The following TLK2 variants were observed in gnomAD, a reference collection of about 807,000 sequenced individuals.
The protein encoded by TLK2 is tousled like kinase 2.
TLK2 carries 6 observed loss-of-function variants against 117.3 expected under a neutral mutation model. The observed-to-expected ratio is 0.05, with a 90% CI of 0.03 to 0.10. The LOEUF is 0.10. Ranked by LOEUF, TLK2 falls within the 10% of genes least tolerant of loss-of-function variation. TLK2 has a pLI of 1.00. For synonymous variants in TLK2, 257 were observed against 316.7 expected, an observed-to-expected ratio of 0.81 and a Z score of 2.00; for missense variants, 299 against 901.2, an observed-to-expected ratio of 0.33 and a Z score of 8.56.
Position 62,536,312 on chromosome 17 carries a change from C to T in TLK2, c.506C>T (p.Ala169Val). 2 of 1,612,640 alleles carry T rather than the reference C, an allele frequency of 1.2e-6. No individual in the cohort carries two copies. Among genetic ancestry groups the T allele is most frequent in the Non-Finnish European group, 1.7e-6 (2 of 1,179,252 alleles). ...LDTEQLAQRGAGLCFTFVSAQ... is the reference protein window; with the variant it reads ...LDTEQLAQRGVGLCFTFVSAQ... Reference sequence around the variant, plus strand: ...ACAGAGCAGCTGGCGCAAAGGGGAGCTGGCCTCTGCTTCACTTTTGTTTCA... The same window carrying T: ...ACAGAGCAGCTGGCGCAAAGGGGAGTTGGCCTCTGCTTCACTTTTGTTTCA... Residue 169 changes from alanine (A) to valine (V), a missense_variant, in exon 7 of 22, where the codon GCT becomes GTT. Physicochemically the swap from Ala to Val is moderately conservative, Grantham distance 64. Transcript: ENST00000346027.
chr17:62,489,220 A>G (rs2072836027), intron 2 of TLK2, among the ~76,000 whole-genome samples: 1 of 135,480 alleles, frequency 7.4e-6, no homozygotes, highest in Non-Finnish European at 1.6e-5. Context: ...TTTTTTTTTG[A>G]GACATGGTCT....
At chr17:62,544,376 T>C (rs1405598230) in intron 7 of TLK2, among the ~76,000 whole-genome samples, 5 of 152,140 alleles carry the variant, frequency 3.3e-5, no homozygotes, top group Non-Finnish European at 4.4e-5. Flanking sequence ...GGAAAGAGAA[T>C]GAGAGAGTGA....
chr17:62,475,982 T>C (rs1377408150), upstream of TLK2, among the ~76,000 whole-genome samples: 1 of 150,442 alleles, frequency 6.6e-6, no homozygotes, highest in Non-Finnish European at 1.5e-5. Flanking sequence ...TTTTATTTTA[T>C]TATCATTATT....
At chr17:62,559,880 C>G in intron 9 of TLK2, 136 bp from the exon 10 acceptor site, 2 of 519,230 alleles carry the variant, frequency 3.9e-6, no homozygotes, top group Non-Finnish European at 3.5e-6. Context: ...GACATAGTTA[C>G]TTCTTACCTG....
intron 2 of TLK2, among the ~76,000 whole-genome samples, chr17:62,498,543 C>G (rs940478966): frequency 1.3e-5 from 2 of 151,968 alleles, no homozygotes; most frequent in African/African-American, 4.8e-5. Context: ...GTGTGCGCCA[C>G]CACACCCAGC....
intron 9 of TLK2, among the ~76,000 whole-genome samples, chr17:62,555,180 C>T (rs1422929409): frequency 6.6e-6 from 1 of 152,078 alleles, no homozygotes; most frequent in Non-Finnish European, 1.5e-5. Context: ...CTGAAACCTC[C>T]AGGGCTACTG....
intron 19 of TLK2, among the ~76,000 whole-genome samples, chr17:62,602,971 T>TA (rs1440286407): frequency 2.6e-5 from 4 of 151,952 alleles, no homozygotes; most frequent in African/African-American, 7.2e-5. Context: ...TGGCCCCCAG[T>TA]TTTTTTTAGT....
chr17:62,584,437 T>C (rs1298520786), intron 15 of TLK2, among the ~76,000 whole-genome samples: 2 of 152,134 alleles, frequency 1.3e-5, no homozygotes, highest in Non-Finnish European at 2.9e-5. Flanking sequence ...TTAAAAATTA[T>C]TTGAAATGGT....
chr17:62,608,267 G>A, intron 21 of TLK2, 119 bp downstream of exon 21: 1 of 750,708 alleles, frequency 1.3e-6, no homozygotes, highest in Non-Finnish European at 2.2e-6. Context: ...AAAAATATTA[G>A]GATAGGCATG....
chr17:62,481,638 G>A (rs944057181), intron 2 of TLK2, among the ~76,000 whole-genome samples: 1 of 152,124 alleles, frequency 6.6e-6, no homozygotes, highest in Non-Finnish European at 1.5e-5. Context: ...ACTCTTTACT[G>A]GTTGCACCCC....
Position 62,615,383 on chromosome 17 carries a change from T to C in TLK2, c.*2818T>C, listed in dbSNP as rs1287031213. On this transcript the variant is annotated 3_prime_UTR_variant, in exon 22 of 22. Transcript: ENST00000346027. The stretch of plus-strand genomic sequence containing the variant: ...TGATTTACTTTACACAATGACAGTA[T>C]GTATTAATTTGTAATTAAACCCATC... The C allele has an allele frequency of 6.6e-6, 1 of 152,230 alleles. No homozygotes were observed. The highest frequency in any genetic ancestry group is 2.4e-5 in the African/African-American group (1 of 41,454). 9.4% of individuals were successfully genotyped at this position (152,230 alleles called of 1,614,324 possible). A position where few individuals can be genotyped will look rare whatever the true frequency, so the allele number is the denominator to read the frequency against.
intron 11 of TLK2, among the ~76,000 whole-genome samples, chr17:62,569,499 G>T (rs1434272884): frequency 7.2e-6 from 1 of 138,074 alleles, no homozygotes; most frequent in Non-Finnish European, 1.5e-5. Flanking sequence ...GCAGTGGCGT[G>T]ATCTCGGCTC....
At chr17:62,557,767 G>C (rs563441702) in intron 9 of TLK2, among the ~76,000 whole-genome samples, 106 of 152,288 alleles carry the variant, frequency 7.0e-4, no homozygotes, top group African/African-American at 2.4e-3. Flanking sequence ...GACTCTTTAA[G>C]ATTGAGATGA....
upstream of TLK2, among the ~76,000 whole-genome samples, chr17:62,475,405 C>T (rs879461215): frequency 3.3e-5 from 5 of 152,080 alleles, no homozygotes; most frequent in African/African-American, 9.7e-5. Flanking sequence ...TGCAGTGGCA[C>T]GACCTCGGCT....
chr17:62,607,329 C>T (rs2083381492), intron 20 of TLK2, among the ~76,000 whole-genome samples: 1 of 149,400 alleles, frequency 6.7e-6, no homozygotes, highest in Non-Finnish European at 1.5e-5. Flanking sequence ...ACCATCCTGA[C>T]TAACATGGTG....
intron 2 of TLK2, chr17:62,507,288 AAAAGGTAAACTTTTTTTC>A (rs1424029207): frequency 6.6e-6 from 1 of 152,194 alleles, no homozygotes; most frequent in Non-Finnish European, 1.5e-5. Flanking sequence ...AAAGAAAAAA[AAAAGGTAAACTTTTTTTC>A]ACTTGACCTA....
At chr17:62,524,661 T>G (rs1485431922) in intron 6 of TLK2, among the ~76,000 whole-genome samples, 6 of 152,234 alleles carry the variant, frequency 3.9e-5, no homozygotes, top group African/African-American at 1.2e-4. Context: ...ATTTTTATTT[T>G]AAAATTTGAC....
chr17:62,493,497 C>G (rs1259309489), intron 2 of TLK2, among the ~76,000 whole-genome samples: 1 of 152,180 alleles, frequency 6.6e-6, no homozygotes. Context: ...ATTCTTGTGG[C>G]TGCAGACCCA....
chr17:62,555,697 T>C (rs2078808907), intron 9 of TLK2, among the ~76,000 whole-genome samples: 1 of 151,950 alleles, frequency 6.6e-6, no homozygotes, highest in African/African-American at 2.4e-5. Context: ...CAGGCTGGTC[T>C]CGAACCCCTG....
Sources: allele counts gnomAD v4.1 joint callset (sites outside exome capture counted in the v4.1 genomes callset), GRCh38; gene constraint gnomAD v4.1.1; transcripts MANE v1.5; gene names NCBI Gene and HGNC (gene_info 2026-07-23, HGNC 2026-07-21).